STK10: variants seen among roughly 807,000 people sequenced by gnomAD.
The protein encoded by STK10 is serine/threonine-protein kinase 10.
Under a neutral mutation model 113.8 loss-of-function variants are expected in STK10, and 78 were observed. The ratio of observed to expected loss-of-function variants is 0.69; its 90% CI spans 0.57 to 0.83. The LOEUF (loss-of-function observed/expected upper bound fraction) is 0.83, where lower values mean the gene tolerates loss of function less well. STK10 is among the 40% of genes least tolerant of loss of function. The probability of loss-of-function intolerance (pLI) is 0.00; values close to 1 mark genes in which losing one functional copy is unlikely to be tolerated. For missense variants in STK10, 1,109 were observed against 1,280.1 expected (o/e 0.87, Z 2.04); for synonymous variants, 465 against 494.7 (o/e 0.94, Z 0.80).
chr5:172,044,953 C>T lies in STK10; in HGVS notation c.2836G>A (p.Glu946Lys). 6.2e-7 allele frequency: 1 copy of T among 1,614,184 alleles called. No individual in the cohort carries two copies. The highest frequency in any genetic ancestry group is 8.5e-7 in the Non-Finnish European group (1 of 1,180,042). Residue 946 changes from glutamate to lysine, a missense_variant, in exon 19 of 19, where the codon GAG (glutamate) becomes AAG (lysine). By Grantham distance (56) the Glu-to-Lys change is moderately conservative. Coordinates refer to ENST00000176763, the MANE Select transcript of STK10 (RefSeq NM_005990.4). The surrounding 1 kb of genome is among the most constrained non-coding windows in gnomAD (Gnocchi z 4.5). ...CTTGGGGTGGAGGGGTTTGGGCACT[C>T]CGCCTCCTCGCTCAGCTTGAAGAAC... is the stretch of plus-strand genomic sequence containing the variant. Reference protein sequence around the residue: ...EMFFKLSEEAECPNPSTPSKA... With the variant: ...EMFFKLSEEAKCPNPSTPSKA...
chr5:172,149,495 CGTGTGTGT>C (rs3839238), intron 2 of STK10, among the ~76,000 whole-genome samples: 12 of 149,356 alleles, frequency 8.0e-5, no homozygotes, highest in East Asian at 5.9e-4. Flanking sequence ...ACAAAGTGCT[CGTGTGTGT>C]GTGTGTGTGT....
In STK10 at chr5:172,120,582, T is replaced by C. The variant is rs759441625; in HGVS notation, c.371-2952A>G. On this transcript the variant is annotated intron_variant, in intron 3 of 18. Coordinates refer to ENST00000176763, the MANE Select transcript of STK10 (RefSeq NM_005990.4). The surrounding 1 kb of genome is among the most constrained non-coding windows in gnomAD (Gnocchi z 4.0). Reference sequence around the variant, plus strand: ...CCCAGGTGCTGCCTCTCACTAGCTGTGTGGTTACTGGCAAGTCGCCCAAGC... The same window carrying C: ...CCCAGGTGCTGCCTCTCACTAGCTGCGTGGTTACTGGCAAGTCGCCCAAGC... Among the ~76,000 whole-genome samples the C allele has an allele frequency of 1.4e-4, 22 of 152,158 alleles. No homozygotes were observed. Among genetic ancestry groups the C allele is most frequent in the Non-Finnish European group, 2.2e-4 (15 of 68,024 alleles).
At chr5:172,132,830 G>C (rs1769783999) in intron 2 of STK10, among the ~76,000 whole-genome samples, 1 of 152,150 alleles carries the variant, frequency 6.6e-6, no homozygotes, top group Non-Finnish European at 1.5e-5. Context: ...AGGACCCAGG[G>C]AGAATCAAAC....
chr5:172,174,088 T>G (rs993907616), intron 1 of STK10, among the ~76,000 whole-genome samples: 1 of 135,270 alleles, frequency 7.4e-6, no homozygotes, highest in African/African-American at 2.7e-5. Context: ...ATGCGGGGCC[T>G]GTCCAGGGAG....
intron 3 of STK10, among the ~76,000 whole-genome samples, chr5:172,126,633 C>T (rs1171909008): frequency 2.0e-5 from 3 of 152,172 alleles, no homozygotes; most frequent in South Asian, 2.1e-4. Flanking sequence ...CATATGGGAA[C>T]GTGGTTACCA....
intron 2 of STK10, among the ~76,000 whole-genome samples, chr5:172,136,217 A>G (rs1036479326): frequency 1.3e-5 from 2 of 152,246 alleles, no homozygotes; most frequent in African/African-American, 4.8e-5. Flanking sequence ...AAAAATTCCT[A>G]GAAACACAAC....
At chr5:172,182,598 G>A (rs1042165764) in intron 1 of STK10, among the ~76,000 whole-genome samples, 2 of 142,900 alleles carry the variant, frequency 1.4e-5, no homozygotes, top group Admixed American at 1.4e-4. Context: ...CTTTCACCCA[G>A]GTTGGTTTGC....
At chr5:172,053,078 A>C (rs1561787974) in intron 17 of STK10, 36 bp from the exon 18 acceptor site, 1 of 1,578,966 alleles carries the variant, frequency 6.3e-7, no homozygotes, top group Non-Finnish European at 8.7e-7. Flanking sequence ...GTGAGAAATC[A>C]GAAGACGCAG....
At position 172,188,174 on chromosome 5, in the gene STK10, C is replaced by A; in HGVS notation, c.-132G>T. 2 of 1,423,174 alleles carry A rather than the reference C, an allele frequency of 1.4e-6. No individual in the cohort carries two copies. Among genetic ancestry groups the A allele is most frequent in the African/African-American group, 1.5e-5 (1 of 68,328 alleles). The allele number at this position is 1,423,174 out of a possible 1,614,324, so 88.2% of individuals were successfully genotyped here. The stretch of plus-strand genomic sequence containing the variant: ...GGGTTCTCCCCAGACCCGCCTTTCC[C>A]CGCAGCCCGACCTCGGTCAAGTGTG... On this transcript the variant is annotated 5_prime_UTR_variant, in exon 1 of 19. Coordinates refer to ENST00000176763, the MANE Select transcript of STK10 (RefSeq NM_005990.4). This position sits in a 1 kb window ranked among gnomAD's most constrained non-coding sequence, Gnocchi z 5.6.
Position 172,181,467 on chromosome 5 carries a change from G to A in STK10, c.156+6420C>T, listed in dbSNP as rs115990016. ...GCGCCTAGCACAGTGCCTGGCATAC[G>A]ATTATTTAATTTATTTTAATTTTTT... On this transcript the variant is annotated intron_variant, in intron 1 of 18. Coordinates refer to ENST00000176763, the MANE Select transcript of STK10 (RefSeq NM_005990.4). 5.5e-3 allele frequency among the ~76,000 whole-genome samples: 832 copies of A among 150,346 alleles called. 1 individual carries two copies. The highest frequency in any genetic ancestry group is 1.0e-2 in the Non-Finnish European group (676 of 67,854).
chr5:172,158,600 C>T (rs1009564403), intron 1 of STK10, among the ~76,000 whole-genome samples: 27 of 152,114 alleles, frequency 1.8e-4, no homozygotes, highest in African/African-American at 5.6e-4. Context: ...GCACTCCAGC[C>T]TGGATGACAG....
rs1377781234 is a variant in STK10, at chr5:172,087,789, C to T, written c.1685+2443G>A. Among the ~76,000 whole-genome samples the T allele has an allele frequency of 1.6e-4, 21 of 128,344 alleles. 3 individuals carry two copies. Among genetic ancestry groups the T allele is most frequent in the African/African-American group, 3.3e-4 (10 of 29,880 alleles). 84.2% of individuals were successfully genotyped at this position (128,344 alleles called of 152,430 possible). On this transcript the variant is annotated intron_variant, in intron 10 of 18. Coordinates refer to ENST00000176763, the MANE Select transcript of STK10 (RefSeq NM_005990.4). ...GACTACAGGCGCCCGCCACCGCGCC[C>T]GGCTAATTTTTTGTATTTTTAGTAG...
At chr5:172,107,204 G>A in intron 5 of STK10, 1 of 192,126 alleles carries the variant, frequency 5.2e-6, no homozygotes, top group East Asian at 1.4e-4. Flanking sequence ...GAGAGAGCAA[G>A]GGTGAGTAAC....
At chr5:172,148,785 G>A (rs1770142970) in intron 2 of STK10, among the ~76,000 whole-genome samples, 1 of 152,244 alleles carries the variant, frequency 6.6e-6, no homozygotes, top group South Asian at 2.1e-4. Flanking sequence ...GAAGGCTTTG[G>A]AGCTAGGCAG....
rs1768442705 is a variant in STK10, at chr5:172,082,095, C to G, written c.1989+231G>C. The stretch of plus-strand genomic sequence containing the variant: ...ATGTAAAGGAAGCTGCCTGAGGCCA[C>G]AGGGTGAGGCCTGCCCTGAGCCATA... On this transcript the variant is annotated intron_variant, in intron 12 of 18. Transcript: ENST00000176763. This position sits in a 1 kb window ranked among gnomAD's most constrained non-coding sequence, Gnocchi z 4.3. Among the ~76,000 whole-genome samples, 1 of 152,128 alleles carries G rather than the reference C, an allele frequency of 6.6e-6. No homozygotes were observed. Among genetic ancestry groups the G allele is most frequent in the African/African-American group, 2.4e-5 (1 of 41,428 alleles).
At chr5:172,142,984 T>C (rs988432712) in intron 2 of STK10, among the ~76,000 whole-genome samples, 5 of 152,150 alleles carry the variant, frequency 3.3e-5, no homozygotes, top group Non-Finnish European at 7.4e-5. Context: ...TCACCAGAGA[T>C]AAGGAAGCCA....
chr5:172,121,453 C>T (rs919008344), intron 3 of STK10, among the ~76,000 whole-genome samples: 1 of 152,158 alleles, frequency 6.6e-6, no homozygotes, highest in Admixed American at 6.6e-5. Flanking sequence ...AATCTTCCCA[C>T]CTCAGCCTCC....
At chr5:172,083,174 C>G in intron 10 of STK10, 90 bp from the exon 11 acceptor site, 1 of 1,574,038 alleles carries the variant, frequency 6.4e-7, no homozygotes, top group African/African-American at 1.4e-5. Context: ...AAGGTTGGAT[C>G]ATGGAGCAAA....
At chr5:172,075,478 A>C (rs1768286790) in intron 12 of STK10, among the ~76,000 whole-genome samples, 1 of 152,046 alleles carries the variant, frequency 6.6e-6, no homozygotes, top group African/African-American at 2.4e-5. Context: ...GGAGTTCAAG[A>C]CCATCCTGGC....
Sources: allele counts gnomAD v4.1 joint callset (sites outside exome capture counted in the v4.1 genomes callset), GRCh38; gene constraint gnomAD v4.1.1; non-coding constraint Gnocchi (gnomAD v3.1); transcripts MANE v1.5; gene names NCBI Gene and HGNC (gene_info 2026-07-23, HGNC 2026-07-21).